Variants in RBM19 observed in about 807,000 individuals in gnomAD.
RBM19 encodes the protein probable RNA-binding protein 19.
Under a neutral mutation model 116.8 loss-of-function variants are expected in RBM19, and 94 were observed. The ratio of observed to expected loss-of-function variants is 0.80; its 90% CI spans 0.68 to 0.95. RBM19 has a LOEUF of 0.95. Among genes scored for constraint, RBM19 ranks in the 40% least tolerant of loss-of-function variants. The pLI, the probability that RBM19 is intolerant of heterozygous loss-of-function variation, is 0.00. For synonymous variants in RBM19, 475 were observed against 494.1 expected (o/e 0.96, Z 0.51); for missense variants, 1,161 against 1,220.7 (o/e 0.95, Z 0.73).
chr12:113,886,338 G>A (rs931113967), intron 21 of RBM19, among the ~76,000 whole-genome samples: 3 of 152,004 alleles, frequency 2.0e-5, no homozygotes, highest in Non-Finnish European at 4.4e-5. Context: ...TCACTATGTT[G>A]TCCATGCTAG....
rs145204494 is a variant in RBM19, at chr12:113,859,116, G to T, written c.2559-220C>A. On this transcript the variant is annotated intron_variant, in intron 21 of 23. Coordinates refer to ENST00000261741, the MANE Select transcript of RBM19 (RefSeq NM_016196.4). ...GCAGGGAGGGAACAATCAGGCTGGA[G>T]ATGTGAATGGAGAATTTTTAGTTCC... Among the ~76,000 whole-genome samples the T allele has an allele frequency of 9.6e-4, 147 of 152,356 alleles. 1 individual carries two copies. Among genetic ancestry groups the T allele is most frequent in the African/African-American group, 3.3e-3 (138 of 41,590 alleles).
At position 113,942,368 on chromosome 12, in the gene RBM19, G is replaced by T. The variant is rs746667832; in HGVS notation, c.1693C>A (p.Arg565Ser). The change falls in exon 14 of 24, where the codon CGT becomes AGT. Residue 565 changes from arginine to serine, a missense_variant. Physicochemically the swap from Arg to Ser is moderately radical, Grantham distance 110. Coordinates refer to ENST00000261741, the MANE Select transcript of RBM19 (RefSeq NM_016196.4). ...CTGACCCCGTTGTCTATGAGAAAAC[G>T]CCGCACTTCCTGGACGAGCTGGGTT... ...GETQLVQEVR[R>S]FLIDNGVSLD... 8.7e-6 allele frequency: 14 copies of T among 1,609,104 alleles called. No homozygotes were observed. Among genetic ancestry groups the T allele is most frequent in the Non-Finnish European group, 1.2e-5 (14 of 1,179,914 alleles).
intron 21 of RBM19, among the ~76,000 whole-genome samples, chr12:113,906,202 G>A (rs999796646): frequency 5.9e-5 from 9 of 152,192 alleles, no homozygotes; most frequent in Non-Finnish European, 1.2e-4. Flanking sequence ...CCCAAACCCT[G>A]CCAACTACCC....
downstream of RBM19, among the ~76,000 whole-genome samples, chr12:113,819,068 G>A (rs1287949263): frequency 6.6e-6 from 1 of 152,330 alleles, no homozygotes; most frequent in East Asian, 1.9e-4. Context: ...CTGAACACAA[G>A]CCTCTTGATA....
chr12:113,849,531 G>A (rs1170083713), intron 22 of RBM19, among the ~76,000 whole-genome samples: 2 of 152,236 alleles, frequency 1.3e-5, no homozygotes, highest in Non-Finnish European at 2.9e-5. Flanking sequence ...CCATCCAGAC[G>A]AGTGGGACAT....
chr12:113,912,352 T>C (rs1882484812), intron 21 of RBM19, among the ~76,000 whole-genome samples: 1 of 152,216 alleles, frequency 6.6e-6, no homozygotes, highest in African/African-American at 2.4e-5. Flanking sequence ...GCCTCGTGCC[T>C]AGCACAGTGC....
intron 22 of RBM19, among the ~76,000 whole-genome samples, chr12:113,848,172 C>A (rs1440070685): frequency 6.6e-6 from 1 of 152,242 alleles, no homozygotes; most frequent in Non-Finnish European, 1.5e-5. Context: ...TGGCACATAA[C>A]ATGTGTCACT....
At chr12:113,925,383 T>A (rs956578076) in intron 17 of RBM19, among the ~76,000 whole-genome samples, 3 of 152,204 alleles carry the variant, frequency 2.0e-5, no homozygotes, top group African/African-American at 7.2e-5. Flanking sequence ...GTTTAAAGTG[T>A]CAGATGCTTT....
chr12:113,954,029 T>C (rs757772571), intron 7 of RBM19, among the ~76,000 whole-genome samples: 11 of 152,216 alleles, frequency 7.2e-5, no homozygotes, highest in Non-Finnish European at 1.2e-4. Context: ...CGTCCCAATT[T>C]AGGGGACTGA....
At chr12:113,890,951 T>C (rs527477268) in intron 21 of RBM19, among the ~76,000 whole-genome samples, 40 of 152,156 alleles carry the variant, frequency 2.6e-4, no homozygotes, top group African/African-American at 9.6e-4. Context: ...CATACCACTA[T>C]GCCTGGCTAA....
chr12:113,928,514 G>T (rs569910399), intron 16 of RBM19, among the ~76,000 whole-genome samples: 17 of 151,274 alleles, frequency 1.1e-4, no homozygotes, highest in Non-Finnish European at 1.8e-4. Context: ...TGGCACTAGG[G>T]ATGGTCGTCA....
intron 23 of RBM19, among the ~76,000 whole-genome samples, chr12:113,830,701 C>T (rs1038030172): frequency 6.6e-6 from 1 of 151,838 alleles, no homozygotes; most frequent in Admixed American, 6.6e-5. Flanking sequence ...GAGGGTGACT[C>T]ACTGCAGAGG....
At chr12:113,891,798 T>G (rs1277796014) in intron 21 of RBM19, among the ~76,000 whole-genome samples, 1 of 152,212 alleles carries the variant, frequency 6.6e-6, no homozygotes, top group South Asian at 2.1e-4. Context: ...TTAAAGGGAC[T>G]TGATTTAAAT....
intron 21 of RBM19, among the ~76,000 whole-genome samples, chr12:113,887,729 T>A (rs1183660160): frequency 6.6e-6 from 1 of 151,348 alleles, no homozygotes; most frequent in Non-Finnish European, 1.5e-5. Flanking sequence ...GCACCCAACC[T>A]TTTTGTGTGT....
chr12:113,930,152 T>C (rs1329012905), intron 16 of RBM19, among the ~76,000 whole-genome samples: 2 of 152,264 alleles, frequency 1.3e-5, no homozygotes, highest in East Asian at 1.9e-4. Context: ...CACCAGCTCA[T>C]TGAAACCTCA....
intron 23 of RBM19, among the ~76,000 whole-genome samples, chr12:113,837,985 A>C: frequency 6.6e-6 from 1 of 152,246 alleles, no homozygotes. Flanking sequence ...CTTCTGAATA[A>C]AGACACCAAA....
rs1474094437 is a variant in RBM19, at chr12:113,959,922, G to T, written c.340-19C>A. The T allele has an allele frequency of 6.2e-7, 1 of 1,614,198 alleles. No homozygotes were observed. Among genetic ancestry groups the T allele is most frequent in the Non-Finnish European group, 8.5e-7 (1 of 1,180,022 alleles). ...TCTCATCCTGAAAACAGAAGGCACAGAGAGTGAGGGTCACACAGATGAAGA... is the reference window on the plus strand; with the variant it reads ...TCTCATCCTGAAAACAGAAGGCACATAGAGTGAGGGTCACACAGATGAAGA... On this transcript the variant is annotated intron_variant, in intron 3 of 23. Coordinates refer to ENST00000261741, the MANE Select transcript of RBM19 (RefSeq NM_016196.4).
intron 21 of RBM19, among the ~76,000 whole-genome samples, chr12:113,865,924 G>A (rs571707411): frequency 1.6e-4 from 24 of 152,254 alleles, no homozygotes; most frequent in African/African-American, 5.8e-4. Context: ...TGGTGGGAAC[G>A]AGAAGACACT....
At chr12:113,902,707 G>A (rs939266429) in intron 21 of RBM19, among the ~76,000 whole-genome samples, 4 of 151,564 alleles carry the variant, frequency 2.6e-5, no homozygotes, top group South Asian at 2.1e-4. Context: ...ATTTAGCCAC[G>A]TTGTTTTGTG....
Sources: allele counts gnomAD v4.1 joint callset (sites outside exome capture counted in the v4.1 genomes callset), GRCh38; gene constraint gnomAD v4.1.1; transcripts MANE v1.5; gene names NCBI Gene and HGNC (gene_info 2026-07-23, HGNC 2026-07-21).